Variants in DNAH8 observed in about 807,000 individuals in gnomAD.
DNAH8 encodes axonemal beta dynein heavy chain 8.
DNAH8 carries 382 observed loss-of-function variants against 562.1 expected under a neutral mutation model. That is an observed-to-expected ratio of 0.68 (90% CI 0.63 to 0.74). The LOEUF (loss-of-function observed/expected upper bound fraction) is 0.74. Ranked by LOEUF, DNAH8 falls within the 30% of genes least tolerant of loss-of-function variation. The probability of loss-of-function intolerance (pLI) is 0.00; values close to 1 mark genes in which losing one functional copy is unlikely to be tolerated. For synonymous variants in DNAH8, 1,881 were observed against 1,919.4 expected (o/e 0.98, Z 0.52); for missense variants, 5,203 against 5,620.4 (o/e 0.93, Z 2.37).
intron 79 of DNAH8, among the ~76,000 whole-genome samples, chr6:38,941,120 G>GA (rs571589806): frequency 3.1e-3 from 410 of 132,320 alleles, no homozygotes; most frequent in East Asian, 5.9e-3. Context: ...CTCTGTCTCA[G>GA]AAAAAAAAAA....
rs374691452 is a variant in DNAH8 at position 38,723,443 on chromosome 6, T to C, written c.497T>C (p.Val166Ala). Residue 166 changes from valine to alanine, a missense_variant, in exon 3 of 93, where the codon GTT (valine) becomes GCT (alanine). Physicochemically the swap from Val to Ala is moderately conservative, Grantham distance 64 (BLOSUM62 0). Around this residue, in one of 6 missense-constraint regions of DNAH8, gnomAD observed 556 missense variants for 496.9 expected, o/e 1.12. Coordinates refer to ENST00000327475, the MANE Select transcript of DNAH8 (RefSeq NM_001206927.2). ...AATCTTGGCCTGGACATAGTAACTG[T>C]TGAAGAATTAATTTTGGATTGCCCA... is the stretch of plus-strand genomic sequence containing the variant. ...AENLGLDIVTVEELILDCPSL... is the reference protein window; with the variant it reads ...AENLGLDIVTAEELILDCPSL... 25 of 1,609,436 alleles carry C rather than the reference T, an allele frequency of 1.6e-5. No homozygotes were observed. In the African/African-American group the frequency reaches 2.9e-4, roughly 19 times the overall value.
intron 33 of DNAH8, among the ~76,000 whole-genome samples, chr6:38,841,992 G>GA (rs1278201773): frequency 6.6e-6 from 1 of 151,672 alleles, no homozygotes; most frequent in African/African-American, 2.4e-5. Flanking sequence ...GTATTTGAAA[G>GA]AAAAAAAAGT....
chr6:38,842,599 T>C (rs1354946922), intron 34 of DNAH8, 64 bp from the exon 35 acceptor site: 18 of 1,588,104 alleles, frequency 1.1e-5, no homozygotes, highest in Admixed American at 7.1e-5. Flanking sequence ...ATAGTGTATA[T>C]ACATAAAACC....
chr6:38,982,790 A>G (rs1313215079), intron 86 of DNAH8, among the ~76,000 whole-genome samples: 1 of 152,224 alleles, frequency 6.6e-6, no homozygotes, highest in Non-Finnish European at 1.5e-5. Flanking sequence ...CTCAGAAGTG[A>G]AGATGGTATC....
chr6:38,831,752 T>C (rs1203697493), intron 30 of DNAH8, among the ~76,000 whole-genome samples: 1 of 152,188 alleles, frequency 6.6e-6, no homozygotes, highest in Non-Finnish European at 1.5e-5. Context: ...GTAATCATAT[T>C]AGCATATTAC....
chr6:38,941,504 T>C (rs540990042), intron 79 of DNAH8, among the ~76,000 whole-genome samples: 1 of 152,306 alleles, frequency 6.6e-6, no homozygotes, highest in East Asian at 1.9e-4. Flanking sequence ...TGGTTCATAT[T>C]TTTTTCACAG....
At chr6:38,803,345 G>A (rs773322274) in intron 22 of DNAH8, 34 bp downstream of exon 22, 1 of 1,560,452 alleles carries the variant, frequency 6.4e-7, no homozygotes, top group Non-Finnish European at 8.7e-7. Flanking sequence ...TGAATTACAA[G>A]ATCTACAGAT....
At position 38,967,351 on chromosome 6, in the gene DNAH8, A is replaced by G. The variant is rs533082138; in HGVS notation, c.12452-4241A>G. 1.5e-3 allele frequency among the ~76,000 whole-genome samples: 222 copies of G among 152,236 alleles called. 1 individual carries two copies. Among genetic ancestry groups the G allele is most frequent in the African/African-American group, 4.5e-3 (187 of 41,572 alleles). ...GAAAGGAAGAAGTAAAACTGCCTCT[A>G]TGATTGTGACATGAATTTGTGCATA... is the stretch of plus-strand genomic sequence containing the variant. On this transcript the variant is annotated intron_variant, in intron 82 of 92. Coordinates refer to ENST00000327475, the MANE Select transcript of DNAH8 (RefSeq NM_001206927.2).
At chr6:38,792,327 A>T (rs1769838086) in intron 21 of DNAH8, among the ~76,000 whole-genome samples, 1 of 152,024 alleles carries the variant, frequency 6.6e-6, no homozygotes, top group African/African-American at 2.4e-5. Context: ...ACCTCAGGTG[A>T]TCCACAGCTT....
At chr6:38,738,081 T>C in intron 7 of DNAH8, 109 bp downstream of exon 7, 3 of 1,187,188 alleles carry the variant, frequency 2.5e-6, no homozygotes, top group Non-Finnish European at 3.6e-6. Context: ...TTGACTTTCT[T>C]CCAGAATCTA....
At chr6:38,911,860 T>C (rs1468837346) in intron 66 of DNAH8, among the ~76,000 whole-genome samples, 2 of 152,238 alleles carry the variant, frequency 1.3e-5, no homozygotes, top group Non-Finnish European at 2.9e-5. Context: ...GAGCCATTGC[T>C]GGCAGATGGG....
chr6:38,927,555 A>C (rs551753334), intron 74 of DNAH8, among the ~76,000 whole-genome samples: 14 of 152,286 alleles, frequency 9.2e-5, no homozygotes, highest in African/African-American at 3.4e-4. Context: ...TCAGGGGTGC[A>C]CAAATGTGGT....
At chr6:38,859,188 C>T (rs1776420759) in intron 42 of DNAH8, among the ~76,000 whole-genome samples, 1 of 152,160 alleles carries the variant, frequency 6.6e-6, no homozygotes, top group African/African-American at 2.4e-5. Flanking sequence ...TCTTCTCCAC[C>T]TCCTCCTTAC....
rs1562612462 is a variant in DNAH8, at chr6:38,741,808, A to G, written c.1214A>G (p.Tyr405Cys). The G allele has an allele frequency of 2.5e-6, 4 of 1,614,132 alleles. No individual in the cohort carries two copies. The South Asian group carries it at 3.3e-5, about 13-fold the overall frequency. The change falls in exon 8 of 93, where the codon TAT becomes TGT. Residue 405 changes from tyrosine (Y) to cysteine (C), a missense_variant. Transcript: ENST00000327475. ...AAACGCATGTCAGCCAAGTTCAACT[A>G]TATCATTGAGCAGATTAAAGGGCCA... ...HWKRMSAKFN[Y>C]IIEQIKGPSC...
At chr6:38,884,080 C>A (rs1160012158) in intron 56 of DNAH8, 82 bp downstream of exon 56, 2 of 973,292 alleles carry the variant, frequency 2.1e-6, no homozygotes, top group African/African-American at 1.7e-5. Context: ...ATGTTAATAA[C>A]TTTGTTAAAA....
At chr6:38,934,383 A>C (rs1317340878) in intron 76 of DNAH8, among the ~76,000 whole-genome samples, 3 of 151,798 alleles carry the variant, frequency 2.0e-5, no homozygotes, top group Non-Finnish European at 4.4e-5. Context: ...AACAAAAAAC[A>C]CGCACAGAAA....
intron 42 of DNAH8, among the ~76,000 whole-genome samples, chr6:38,859,927 A>G (rs1302633286): frequency 6.6e-6 from 1 of 152,048 alleles, no homozygotes; most frequent in Non-Finnish European, 1.5e-5. Context: ...CTCAACTCTC[A>G]TGCTTTCTCT....
intron 3 of DNAH8, among the ~76,000 whole-genome samples, chr6:38,728,658 A>G (rs1763421237): frequency 6.6e-6 from 1 of 152,182 alleles, no homozygotes; most frequent in Non-Finnish European, 1.5e-5. Flanking sequence ...GAGGTGGAAG[A>G]GTAGAGAACA....
chr6:38,783,001 CAG>C lies in DNAH8; in HGVS notation c.2260-1_2260del. ...AAGTAAATCTTTTCCCTTAAAAAAA[CAG>C]AAAAACTCAGACATTTTATCAAGTC... On this transcript the variant is annotated splice_acceptor_variant, in intron 16 of 92. Transcript: ENST00000327475. LOFTEE classifies it high-confidence loss of function. The C allele has an allele frequency of 6.2e-7, 1 of 1,608,562 alleles. No individual in the cohort carries two copies. The highest frequency in any genetic ancestry group is 8.5e-7 in the Non-Finnish European group (1 of 1,178,196).
Sources: allele counts gnomAD v4.1 joint callset (sites outside exome capture counted in the v4.1 genomes callset), GRCh38; gene constraint gnomAD v4.1.1; regional missense constraint gnomAD v4.1.1; transcripts MANE v1.5; gene names NCBI Gene and HGNC (gene_info 2026-07-23, HGNC 2026-07-21).